GALNT2: variants seen among roughly 807,000 people sequenced by gnomAD.
GALNT2 encodes the protein UDP-GalNAc:polypeptide N-acetylgalactosaminyltransferase 2.
In GALNT2, 31 loss-of-function variants were observed where a neutral mutation model predicts 81.4. The ratio of observed to expected loss-of-function variants is 0.38; its 90% confidence interval spans 0.29 to 0.51. The LOEUF is 0.51. Ranked by LOEUF, GALNT2 falls within the 20% of genes least tolerant of loss-of-function variation. GALNT2 has a pLI of 0.87. For missense variants in GALNT2, 629 were observed against 765.7 expected, an observed-to-expected ratio of 0.82 and a Z score of 2.11; for synonymous variants, 303 against 287.4, an observed-to-expected ratio of 1.05 and a Z score of -0.55.
Position 230,263,005 on chromosome 1 carries a change from G to C in GALNT2, c.1313G>C (p.Arg438Thr), listed in dbSNP as rs762515605. The C allele has an allele frequency of 1.2e-6, 2 of 1,613,534 alleles. No individual in the cohort carries two copies. Among genetic ancestry groups the C allele is most frequent in the South Asian group, 2.2e-5 (2 of 91,074 alleles). Residue 438 changes from arginine (R) to threonine (T), a missense_variant and splice_region_variant, in exon 13 of 16, where the codon AGG (arginine) becomes ACG (threonine). Physicochemically the swap from Arg to Thr is moderately conservative, Grantham distance 71. This residue lies in a region of GALNT2 where 207 missense variants were observed against 225.5 expected (regional missense o/e 0.92). Transcript: ENST00000366672. ...CTTGAAAATGTCTATCCAGAGTTAA[G>C]GTAAGTCCCCAGGGATCTGGGGTTT... is the stretch of plus-strand genomic sequence containing the variant. ...WYLENVYPELRVPDHQDIAFG... is the reference protein window; with the variant it reads ...WYLENVYPELTVPDHQDIAFG...
chr1:230,073,984 A>G (rs1193205717), intron 1 of GALNT2, among the ~76,000 whole-genome samples: 1 of 152,084 alleles, frequency 6.6e-6, no homozygotes, highest in African/African-American at 2.4e-5. Context: ...AGAGTTACTG[A>G]ATTTCCAGAG....
intron 3 of GALNT2, among the ~76,000 whole-genome samples, chr1:230,225,373 C>T (rs1412109299): frequency 6.6e-6 from 1 of 152,112 alleles, no homozygotes; most frequent in Non-Finnish European, 1.5e-5. Context: ...GTGGAAGTGC[C>T]CTGAGGTTGA....
rs762888092 is a variant in GALNT2 at position 230,249,260 on chromosome 1, C to A, written c.894C>A (p.Val298=). 1 of 1,613,994 alleles carries A rather than the reference C, an allele frequency of 6.2e-7. No homozygotes were observed. Among genetic ancestry groups the A allele is most frequent in the Non-Finnish European group, 8.5e-7 (1 of 1,179,966 alleles). The change falls in exon 9 of 16, where the codon GTC becomes GTA. Residue 298 remains valine (V), a synonymous_variant. Coordinates refer to ENST00000366672, the MANE Select transcript of GALNT2 (RefSeq NM_004481.5). ...GAAGGTCCCGGCAGGGGAACCCAGTCGCCCCTATAAAGTAAGTGCCAGCAT... is the reference window on the plus strand; with the variant it reads ...GAAGGTCCCGGCAGGGGAACCCAGTAGCCCCTATAAAGTAAGTGCCAGCAT... ...EQRRSRQGNP[V]APIKTPMIAG...
At chr1:230,129,015 G>C (rs1400899588) in intron 1 of GALNT2, among the ~76,000 whole-genome samples, 2 of 152,246 alleles carry the variant, frequency 1.3e-5, no homozygotes, top group Non-Finnish European at 2.9e-5. Context: ...CACTTGTGAA[G>C]CACACACCCT....
At chr1:230,143,576 A>G (rs542935884) in intron 1 of GALNT2, among the ~76,000 whole-genome samples, 1 of 152,298 alleles carries the variant, frequency 6.6e-6, no homozygotes, top group East Asian at 1.9e-4. Context: ...GGGGCCAAGG[A>G]GAAAGAGGTC....
intron 13 of GALNT2, 38 bp downstream of exon 13, chr1:230,263,043 G>A (rs1427440532): frequency 6.5e-7 from 1 of 1,548,954 alleles, no homozygotes. Flanking sequence ...CTTTGTAAGG[G>A]CTTAGAAGCC....
intron 1 of GALNT2, among the ~76,000 whole-genome samples, chr1:230,108,300 T>G (rs1470456740): frequency 6.6e-6 from 1 of 152,228 alleles, no homozygotes; most frequent in East Asian, 1.9e-4. Flanking sequence ...AGTCCCTGAC[T>G]GGGGATGGTT....
intron 1 of GALNT2, among the ~76,000 whole-genome samples, chr1:230,132,640 A>G (rs1320268148): frequency 1.3e-5 from 2 of 152,250 alleles, no homozygotes; most frequent in African/African-American, 4.8e-5. Flanking sequence ...ATAGTGGTAC[A>G]TAAATGGAAA....
chr1:230,217,218 G>C (rs1664416942), intron 3 of GALNT2, among the ~76,000 whole-genome samples: 1 of 152,206 alleles, frequency 6.6e-6, no homozygotes, highest in South Asian at 2.1e-4. Flanking sequence ...GTGGAGGTTA[G>C]GAGTGTGAAA....
intron 1 of GALNT2, among the ~76,000 whole-genome samples, chr1:230,109,255 G>A (rs866516174): frequency 3.3e-5 from 5 of 152,210 alleles, no homozygotes; most frequent in Admixed American, 1.3e-4. Context: ...GCAGGTGAGC[G>A]GGTGCAGGGA....
intron 1 of GALNT2, among the ~76,000 whole-genome samples, chr1:230,072,459 A>G (rs1330778067): frequency 6.6e-6 from 1 of 152,106 alleles, no homozygotes; most frequent in Admixed American, 6.5e-5. Context: ...CAGGAAGGGA[A>G]GCTAGGTATT....
At chr1:230,060,939 G>T (rs1003817474) in intron 1 of GALNT2, among the ~76,000 whole-genome samples, 4 of 151,394 alleles carry the variant, frequency 2.6e-5, no homozygotes, top group Non-Finnish European at 5.9e-5. Flanking sequence ...TCTCTCTCTC[G>T]CTCTTTCTGC....
upstream of GALNT2, chr1:230,067,235 A>C (rs1447800564): frequency 8.3e-7 from 1 of 1,198,878 alleles, no homozygotes; most frequent in Non-Finnish European, 1.0e-6. Flanking sequence ...CGGCCCAGGC[A>C]GCACTCGCGA....
chr1:230,073,986 T>A (rs1659453629), intron 1 of GALNT2, among the ~76,000 whole-genome samples: 1 of 152,146 alleles, frequency 6.6e-6, no homozygotes, highest in Admixed American at 6.5e-5. Context: ...AGTTACTGAA[T>A]TTCCAGAGTT....
chr1:230,218,337 A>T (rs905279457), intron 3 of GALNT2, among the ~76,000 whole-genome samples: 1 of 152,236 alleles, frequency 6.6e-6, no homozygotes, highest in East Asian at 1.9e-4. Context: ...CTCCTGGTTA[A>T]GGTGTGGATG....
intron 8 of GALNT2, 32 bp from the exon 9 acceptor site, chr1:230,249,152 G>A (rs751740822): frequency 3.1e-6 from 5 of 1,599,842 alleles, no homozygotes; most frequent in Non-Finnish European, 2.6e-6. Flanking sequence ...CCAGTCTCTT[G>A]TCAACACCCT....
At chr1:230,268,157 A>C (rs979488341) in intron 14 of GALNT2, 4 of 152,134 alleles carry the variant, frequency 2.6e-5, no homozygotes, top group African/African-American at 9.7e-5. Context: ...AGGGAGGGGG[A>C]AATGATGGGT....
chr1:230,167,690 C>T (rs1187888266), intron 1 of GALNT2, among the ~76,000 whole-genome samples: 1 of 152,116 alleles, frequency 6.6e-6, no homozygotes, highest in East Asian at 1.9e-4. Flanking sequence ...CGTGGAGGAG[C>T]GCCGTGGTGA....
intron 1 of GALNT2, among the ~76,000 whole-genome samples, chr1:230,135,972 C>T (rs968442068): frequency 1.3e-5 from 2 of 152,010 alleles, no homozygotes; most frequent in Non-Finnish European, 2.9e-5. Context: ...GGATTACAGG[C>T]GTGAGCTGCT....
Sources: allele counts gnomAD v4.1 joint callset (sites outside exome capture counted in the v4.1 genomes callset), GRCh38; gene constraint gnomAD v4.1.1; regional missense constraint gnomAD v4.1.1; transcripts MANE v1.5; gene names NCBI Gene and HGNC (gene_info 2026-07-23, HGNC 2026-07-21).